Variants in STXBP5L observed in about 807,000 individuals in gnomAD.
The protein encoded by STXBP5L is syntaxin binding protein 5L.
Under a neutral mutation model 144.5 loss-of-function variants are expected in STXBP5L, and 65 were observed. The observed-to-expected ratio is 0.45, with a 90% CI of 0.37 to 0.55. The LOEUF is 0.55. Ranked by LOEUF, STXBP5L falls within the 20% of genes least tolerant of loss-of-function variation. The pLI, the probability that STXBP5L is intolerant of heterozygous loss-of-function variation, is 0.00. For synonymous variants in STXBP5L, 505 were observed against 469.6 expected (o/e 1.08, Z -0.97); for missense variants, 1,298 against 1,405.5 (o/e 0.92, Z 1.22).
At chr3:121,186,701 T>G (rs2047396962) in intron 9 of STXBP5L, among the ~76,000 whole-genome samples, 1 of 152,172 alleles carries the variant, frequency 6.6e-6, no homozygotes, top group East Asian at 1.9e-4. Context: ...TTTGCCAGTA[T>G]TTTACTGAGG....
rs2047382294 is a variant in STXBP5L at position 121,422,897 on chromosome 3, G to C, written c.*3800G>C. ...CATCTATACTTTATCTACATGAAGG[G>C]ATCACCATGACTTTGAGAGAAAAAA... On this transcript the variant is annotated 3_prime_UTR_variant, in exon 27 of 27. Coordinates refer to ENST00000471454, the MANE Select transcript of STXBP5L (RefSeq NM_001308330.2). The C allele has an allele frequency of 6.6e-6, 1 of 152,002 alleles. No individual in the cohort carries two copies. The highest frequency in any genetic ancestry group is 6.6e-5 in the Admixed American group (1 of 15,242). 9.4% of individuals were successfully genotyped at this position (152,002 alleles called of 1,614,324 possible). A position where few individuals can be genotyped will look rare whatever the true frequency, so the allele number is the denominator to read the frequency against.
intron 9 of STXBP5L, among the ~76,000 whole-genome samples, chr3:121,183,135 A>G (rs1244730916): frequency 6.6e-6 from 1 of 152,192 alleles, no homozygotes; most frequent in Non-Finnish European, 1.5e-5. Context: ...CATAGAAAGG[A>G]CATATGTCAA....
At chr3:121,244,918 T>C (rs965819686) in intron 14 of STXBP5L, among the ~76,000 whole-genome samples, 21 of 152,260 alleles carry the variant, frequency 1.4e-4, no homozygotes, top group African/African-American at 4.8e-4. Flanking sequence ...AGACATGTCT[T>C]ACATGAATTG....
chr3:121,050,419 G>A (rs1362464332), intron 5 of STXBP5L, among the ~76,000 whole-genome samples: 1 of 151,952 alleles, frequency 6.6e-6, no homozygotes, highest in African/African-American at 2.4e-5. Flanking sequence ...AAGAGAGTGG[G>A]GGCCAATATT....
chr3:120,949,200 T>C (rs1263646833), intron 2 of STXBP5L, among the ~76,000 whole-genome samples: 1 of 152,088 alleles, frequency 6.6e-6, no homozygotes, highest in African/African-American at 2.4e-5. Flanking sequence ...CATTTGTGTA[T>C]CTTCTTTTGA....
chr3:120,992,452 C>A (rs1428017427), intron 3 of STXBP5L, among the ~76,000 whole-genome samples: 1 of 152,042 alleles, frequency 6.6e-6, no homozygotes, highest in Non-Finnish European at 1.5e-5. Context: ...TGTCCTTCCC[C>A]CATGCAGCCT....
intron 9 of STXBP5L, among the ~76,000 whole-genome samples, chr3:121,199,747 GT>G (rs1399800519): frequency 6.6e-6 from 1 of 152,054 alleles, no homozygotes; most frequent in East Asian, 1.9e-4. Context: ...TAATCATGTG[GT>G]TTTTGTCATT....
intron 23 of STXBP5L, among the ~76,000 whole-genome samples, chr3:121,410,162 C>A (rs1391159938): frequency 6.6e-6 from 1 of 151,662 alleles, no homozygotes; most frequent in Admixed American, 6.6e-5. Context: ...GATTTAACTC[C>A]CATACATGCC....
chr3:121,396,451 C>T (rs1363261850), intron 22 of STXBP5L, among the ~76,000 whole-genome samples: 2 of 152,190 alleles, frequency 1.3e-5, no homozygotes, highest in African/African-American at 2.4e-5. Flanking sequence ...TGATGTTTAA[C>T]ACAGGCAGAG....
intron 20 of STXBP5L, among the ~76,000 whole-genome samples, chr3:121,372,989 C>T (rs982619719): frequency 1.2e-4 from 19 of 152,172 alleles, no homozygotes; most frequent in African/African-American, 4.3e-4. Flanking sequence ...GAGATCACTG[C>T]TAGAACATGA....
chr3:120,911,974 A>G (rs1352870027), intron 2 of STXBP5L, among the ~76,000 whole-genome samples: 1 of 151,968 alleles, frequency 6.6e-6, no homozygotes, highest in East Asian at 1.9e-4. Flanking sequence ...AGGAGCTGTC[A>G]TATTCTGGGT....
At chr3:121,355,973 C>T (rs1355500594) in intron 20 of STXBP5L, among the ~76,000 whole-genome samples, 2 of 152,216 alleles carry the variant, frequency 1.3e-5, no homozygotes, top group Admixed American at 6.5e-5. Context: ...TTGGAGTTTG[C>T]TGGAGGCCCA....
Position 121,030,528 on chromosome 3 carries a change from G to A in STXBP5L, c.288-11172G>A, listed in dbSNP as rs1045719462. Among the ~76,000 whole-genome samples, 50 of 152,110 alleles carry A rather than the reference G, an allele frequency of 3.3e-4. 1 individual carries two copies. The highest frequency in any genetic ancestry group is 4.4e-5 in the Non-Finnish European group (3 of 68,028). On this transcript the variant is annotated intron_variant, in intron 3 of 26. Coordinates refer to ENST00000471454, the MANE Select transcript of STXBP5L (RefSeq NM_001308330.2). ...CGAACATCACACACCGGGGCATGTT[G>A]CGGGGTGTGGGACTAGGGGATGGAT...
chr3:121,262,372 G>A (rs2050412160), intron 18 of STXBP5L, among the ~76,000 whole-genome samples: 1 of 152,238 alleles, frequency 6.6e-6, no homozygotes, highest in Non-Finnish European at 1.5e-5. Context: ...GCTTACGCCT[G>A]TAATCCCAGC....
intron 3 of STXBP5L, among the ~76,000 whole-genome samples, chr3:121,030,131 G>A (rs576607039): frequency 1.3e-5 from 2 of 152,234 alleles, no homozygotes; most frequent in East Asian, 1.9e-4. Flanking sequence ...GATTCCTCAA[G>A]GATCTAGAAC....
intron 23 of STXBP5L, among the ~76,000 whole-genome samples, chr3:121,410,452 C>A (rs1287401060): frequency 6.6e-6 from 1 of 152,004 alleles, no homozygotes; most frequent in Non-Finnish European, 1.5e-5. Flanking sequence ...ATGTACTCTG[C>A]TCTATGGTTT....
intron 11 of STXBP5L, among the ~76,000 whole-genome samples, chr3:121,233,032 G>T (rs2049357153): frequency 6.6e-6 from 1 of 152,146 alleles, no homozygotes; most frequent in African/African-American, 2.4e-5. Flanking sequence ...GCATGTTCAG[G>T]TTACGTGGCC....
chr3:121,157,368 G>A, intron 8 of STXBP5L, 136 bp from the exon 9 acceptor site: 1 of 896,422 alleles, frequency 1.1e-6, no homozygotes. Context: ...AGTCTGATAT[G>A]GGTCAGAAAA....
intron 3 of STXBP5L, among the ~76,000 whole-genome samples, chr3:120,968,991 C>T (rs929107130): frequency 1.3e-5 from 2 of 151,982 alleles, no homozygotes; most frequent in Non-Finnish European, 2.9e-5. Context: ...GTGAATTGTG[C>T]CACCATAAAC....
Sources: allele counts gnomAD v4.1 joint callset (sites outside exome capture counted in the v4.1 genomes callset), GRCh38; gene constraint gnomAD v4.1.1; transcripts MANE v1.5; gene names NCBI Gene and HGNC (gene_info 2026-07-23, HGNC 2026-07-21).